CEP128: variants seen among roughly 807,000 people sequenced by gnomAD.
CEP128 encodes centrosomal protein 128kDa.
A neutral mutation model predicts 156.7 loss-of-function variants in CEP128; 132 were observed. The observed-to-expected ratio is 0.84, with a 90% confidence interval of 0.73 to 0.97. CEP128 has a LOEUF of 0.97. CEP128 is among the 50% of genes least tolerant of loss of function. The pLI is 0.00. For missense variants in CEP128, 1,252 were observed against 1,281.9 expected (o/e 0.98, Z 0.36); for synonymous variants, 469 against 448.9 (o/e 1.04, Z -0.57).
intron 19 of CEP128, among the ~76,000 whole-genome samples, chr14:80,599,308 T>C (rs897363584): frequency 6.9e-6 from 1 of 145,308 alleles, no homozygotes; most frequent in Non-Finnish European, 1.5e-5. Flanking sequence ...AGTCTCGCTC[T>C]GTCACCCAGG....
At chr14:80,824,751 A>G (rs534481624) in intron 13 of CEP128, among the ~76,000 whole-genome samples, 1 of 152,332 alleles carries the variant, frequency 6.6e-6, no homozygotes, top group East Asian at 1.9e-4. Flanking sequence ...GAAAGTTCCA[A>G]ACGTTCCCAC....
intron 24 of CEP128, among the ~76,000 whole-genome samples, chr14:80,501,926 C>T (rs1351604836): frequency 6.6e-6 from 1 of 152,038 alleles, no homozygotes; most frequent in Non-Finnish European, 1.5e-5. Flanking sequence ...TTATCATTGC[C>T]ACGGCAACAC....
intron 8 of CEP128, among the ~76,000 whole-genome samples, chr14:80,863,777 G>C (rs1012806373): frequency 2.6e-5 from 4 of 152,092 alleles, no homozygotes; most frequent in Non-Finnish European, 4.4e-5. Context: ...TCGTGTAAAT[G>C]TTCTAAAGTG....
intron 13 of CEP128, among the ~76,000 whole-genome samples, chr14:80,826,143 C>T (rs868302111): frequency 6.7e-6 from 1 of 148,340 alleles, no homozygotes; most frequent in Non-Finnish European, 1.5e-5. Flanking sequence ...TGCCAATAGT[C>T]ATCTTTGTGA....
In CEP128 at chr14:80,708,209, C is replaced by T. The variant is rs531192726; in HGVS notation, c.2806+34866G>A. Among the ~76,000 whole-genome samples the T allele has an allele frequency of 2.6e-5, 4 of 152,128 alleles. No individual in the cohort carries two copies. The East Asian group carries it at 7.7e-4, about 29-fold the overall frequency. ...ATTTACTGGAATTTTGTATTGTTTT[C>T]ACTGTATCTTTTGATATACATTCCT... On this transcript the variant is annotated intron_variant, in intron 19 of 24. Coordinates refer to ENST00000555265, the MANE Select transcript of CEP128 (RefSeq NM_152446.5).
At chr14:80,720,084 T>C (rs1196306104) in intron 19 of CEP128, among the ~76,000 whole-genome samples, 1 of 151,736 alleles carries the variant, frequency 6.6e-6, no homozygotes, top group African/African-American at 2.4e-5. Flanking sequence ...AGGCCAAAGC[T>C]ATGTGCATAG....
intron 19 of CEP128, among the ~76,000 whole-genome samples, chr14:80,703,045 A>C (rs1897127145): frequency 6.6e-6 from 1 of 152,144 alleles, no homozygotes; most frequent in Admixed American, 6.6e-5. Flanking sequence ...AACTAATGAA[A>C]AATAACAACT....
chr14:80,670,407 C>T (rs932724023), intron 19 of CEP128, among the ~76,000 whole-genome samples: 6 of 152,228 alleles, frequency 3.9e-5, no homozygotes, highest in Non-Finnish European at 7.4e-5. Flanking sequence ...TATCTACCTA[C>T]CTACCTATTT....
intron 21 of CEP128, among the ~76,000 whole-genome samples, chr14:80,542,596 GGAGTGAGTGCTCTGAA>G (rs1299815138): frequency 6.6e-6 from 1 of 152,154 alleles, no homozygotes; most frequent in Non-Finnish European, 1.5e-5. Flanking sequence ...ACATGGCATA[GGAGTGAGTGCTCTGAA>G]GAGCAACATG....
In CEP128 at chr14:80,584,122, G is replaced by A. The variant is rs888765342; in HGVS notation, c.2807-3699C>T. 2.0e-5 allele frequency among the ~76,000 whole-genome samples: 3 copies of A among 148,664 alleles called. No individual in the cohort carries two copies. The South Asian group carries it at 6.4e-4, about 32-fold the overall frequency. On this transcript the variant is annotated intron_variant, in intron 19 of 24. Coordinates refer to ENST00000555265, the MANE Select transcript of CEP128 (RefSeq NM_152446.5). ...TTCTGACCTGCTTTAAAAGTTCCCT[G>A]AATCAGGGCGTCCGTGACATTTTTT...
rs56839383 is a variant in CEP128, at chr14:80,615,848, CAAATAAATAAATAAATAAAT to C, written c.2807-35445_2807-35426del. Among the ~76,000 whole-genome samples, 35 of 149,204 alleles carry C rather than the reference CAAATAAATAAATAAATAAAT, an allele frequency of 2.3e-4. No individual in the cohort carries two copies. The East Asian group carries it at 3.6e-3, about 15-fold the overall frequency. On this transcript the variant is annotated intron_variant, in intron 19 of 24. Transcript: ENST00000555265. ...GGGCAACAAGAGTAAAACTCCATCT[CAAATAAATAAATAAATAAAT>C]AAATAAATAAATAAATAAATAAATA...
chr14:80,637,082 G>A (rs1043008981), intron 19 of CEP128, among the ~76,000 whole-genome samples: 5 of 138,876 alleles, frequency 3.6e-5, no homozygotes, highest in East Asian at 2.1e-4. Flanking sequence ...GCGAAACTCC[G>A]TCTTTAAAAA....
At chr14:80,535,899 G>C (rs757998316) in intron 21 of CEP128, among the ~76,000 whole-genome samples, 1 of 152,152 alleles carries the variant, frequency 6.6e-6, no homozygotes, top group Non-Finnish European at 1.5e-5. Flanking sequence ...TCTAGACTAA[G>C]GGCAAGATCA....
intron 2 of CEP128, among the ~76,000 whole-genome samples, chr14:80,956,762 A>G (rs768841297): frequency 3.3e-5 from 5 of 152,200 alleles, no homozygotes; most frequent in Non-Finnish European, 7.3e-5. Context: ...TTTTCTCAAG[A>G]ATTTAGCTCA....
chr14:80,654,195 T>G (rs1179509822), intron 19 of CEP128, among the ~76,000 whole-genome samples: 2 of 152,084 alleles, frequency 1.3e-5, no homozygotes, highest in Non-Finnish European at 2.9e-5. Flanking sequence ...AACCAGAAAG[T>G]GTCATATTAT....
At chr14:80,953,458 G>C (rs1335950989) in intron 2 of CEP128, among the ~76,000 whole-genome samples, 2 of 152,150 alleles carry the variant, frequency 1.3e-5, no homozygotes, top group African/African-American at 2.4e-5. Flanking sequence ...GGTGGCGGGC[G>C]CCTGTAATCC....
At chr14:80,814,924 G>A (rs986250154) in intron 13 of CEP128, among the ~76,000 whole-genome samples, 3 of 152,178 alleles carry the variant, frequency 2.0e-5, no homozygotes, top group African/African-American at 7.2e-5. Context: ...CAGAAGTGGT[G>A]GCGCTCACCT....
At position 80,497,550 on chromosome 14, in the gene CEP128, C is replaced by T; in HGVS notation, c.3214G>A (p.Ala1072Thr). The T allele has an allele frequency of 1.2e-6, 2 of 1,613,270 alleles. No individual in the cohort carries two copies. The highest frequency in any genetic ancestry group is 1.7e-6 in the Non-Finnish European group (2 of 1,179,534). Residue 1072 changes from alanine (A) to threonine (T), a missense_variant, in exon 25 of 25, where the codon GCT becomes ACT. Coordinates refer to ENST00000555265, the MANE Select transcript of CEP128 (RefSeq NM_152446.5). ...FTKRTVAPDS[A>T]SNKEDATMNG... Reference sequence around the variant, plus strand: ...ATTGTGGCATCTTCCTTGTTTGAAGCTGAATCTGGAGCAACAGTTCTTTTG... The same window carrying T: ...ATTGTGGCATCTTCCTTGTTTGAAGTTGAATCTGGAGCAACAGTTCTTTTG...
At chr14:80,781,109 C>A (rs1044630305) in intron 15 of CEP128, among the ~76,000 whole-genome samples, 3 of 152,156 alleles carry the variant, frequency 2.0e-5, no homozygotes, top group African/African-American at 7.2e-5. Flanking sequence ...AGAGAATGAG[C>A]AGTCAAAAGT....
Sources: allele counts gnomAD v4.1 joint callset (sites outside exome capture counted in the v4.1 genomes callset), GRCh38; gene constraint gnomAD v4.1.1; transcripts MANE v1.5; gene names NCBI Gene and HGNC (gene_info 2026-07-23, HGNC 2026-07-21).